CHD6: variants seen among roughly 807,000 people sequenced by gnomAD.
The protein encoded by CHD6 is ATP-dependent chromatin remodeler CHD6.
Under a neutral mutation model 276.9 loss-of-function variants are expected in CHD6, and 50 were observed. The ratio of observed to expected loss-of-function variants is 0.18; its 90% CI spans 0.14 to 0.23. CHD6 has a LOEUF of 0.23. CHD6 is among the 10% of genes least tolerant of loss of function. The probability of loss-of-function intolerance (pLI) is 1.00; values close to 1 mark genes in which losing one functional copy is unlikely to be tolerated. For synonymous variants in CHD6, 1,173 were observed against 1,229.3 expected (o/e 0.95, Z 0.96); for missense variants, 2,564 against 3,365.8 (o/e 0.76, Z 5.89).
intron 1 of CHD6, among the ~76,000 whole-genome samples, chr20:41,609,855 CTTTTTT>C (rs369159347): frequency 1.6e-5 from 2 of 128,224 alleles, no homozygotes; most frequent in African/African-American, 5.7e-5. Flanking sequence ...TTTCTTTTTT[CTTTTTT>C]TTTTTTTTTT....
At position 41,457,443 on chromosome 20, in the gene CHD6, A is replaced by G; in HGVS notation, c.2665-15T>C. 5 of 1,602,426 alleles carry G rather than the reference A, an allele frequency of 3.1e-6. No homozygotes were observed. The highest frequency in any genetic ancestry group is 4.3e-6 in the Non-Finnish European group (5 of 1,170,318). On this transcript the variant is annotated splice_polypyrimidine_tract_variant and intron_variant, in intron 17 of 36. Coordinates refer to ENST00000373233, the MANE Select transcript of CHD6 (RefSeq NM_032221.5). The stretch of plus-strand genomic sequence containing the variant: ...CGGGCCTGAGCCTGGGAAGAAGAAG[A>G]GTCATATGCATCACGTCACCGTATG...
At chr20:41,411,033 GA>G (rs2046827235) in intron 36 of CHD6, among the ~76,000 whole-genome samples, 1 of 152,164 alleles carries the variant, frequency 6.6e-6, no homozygotes, top group Non-Finnish European at 1.5e-5. Flanking sequence ...AGTGAGGGAA[GA>G]GTCCTAAGAA....
chr20:41,426,200 G>A (rs778508324), intron 27 of CHD6, 47 bp from the exon 28 acceptor site: 1 of 1,312,912 alleles, frequency 7.6e-7, no homozygotes, highest in South Asian at 1.2e-5. Flanking sequence ...CAGCTTAGAA[G>A]AAACCAGCTC....
At chr20:41,418,213 C>T (rs1257961364) in intron 31 of CHD6, among the ~76,000 whole-genome samples, 85 of 152,264 alleles carry the variant, frequency 5.6e-4, no homozygotes, top group Non-Finnish European at 1.9e-4. Context: ...TCTTACAGCC[C>T]TATGAGGGAA....
At chr20:41,406,264 A>G (rs921411286) in intron 36 of CHD6, among the ~76,000 whole-genome samples, 2 of 152,122 alleles carry the variant, frequency 1.3e-5, no homozygotes, top group Admixed American at 1.3e-4. Context: ...GAGACCATCT[A>G]TTTTTTCTCT....
Position 41,483,297 on chromosome 20 carries a change from C to T in CHD6, c.2468+12G>A. On this transcript the variant is annotated intron_variant, in intron 16 of 36. Coordinates refer to ENST00000373233, the MANE Select transcript of CHD6 (RefSeq NM_032221.5). ...CCCATTGTTGAATGCAGAGCTTTGA[C>T]ACAAGTCTCACCTTCTCTGGATGAG... The T allele has an allele frequency of 1.9e-6, 3 of 1,600,350 alleles. No individual in the cohort carries two copies. Among genetic ancestry groups the T allele is most frequent in the Non-Finnish European group, 2.6e-6 (3 of 1,173,998 alleles).
In CHD6 at chr20:41,531,331, T is replaced by A. The variant is rs560035742; in HGVS notation, c.554+1719A>T. Among the ~76,000 whole-genome samples the A allele has an allele frequency of 8.1e-4, 124 of 152,288 alleles. 1 individual carries two copies. The highest frequency in any genetic ancestry group is 2.9e-3 in the African/African-American group (119 of 41,566). On this transcript the variant is annotated intron_variant, in intron 3 of 36. Transcript: ENST00000373233. ...CTCAAACACAATCTTTATGCCTTAT[T>A]ATTCTCTGTAATAATAATAAAAAAA...
At chr20:41,451,720 C>G in intron 22 of CHD6, 106 bp downstream of exon 22, 1 of 978,350 alleles carries the variant, frequency 1.0e-6, no homozygotes. Flanking sequence ...GAAAAACACC[C>G]GAGAAAGAGA....
rs1260965926 is a variant in CHD6 at position 41,488,447 on chromosome 20, C to T, written c.1838G>A (p.Gly613Asp). 1.9e-6 allele frequency: 3 copies of T among 1,613,326 alleles called. No individual in the cohort carries two copies. Among genetic ancestry groups the T allele is most frequent in the African/African-American group, 1.3e-5 (1 of 74,872 alleles). Residue 613 changes from glycine to aspartate, a missense_variant, in exon 13 of 37, where the codon GGT becomes GAT. Gly to Asp is a moderately conservative substitution (Grantham distance 94, BLOSUM62 -1). This residue lies in a region of CHD6 where 457 missense variants were observed against 889.0 expected (regional missense o/e 0.51). Coordinates refer to ENST00000373233, the MANE Select transcript of CHD6 (RefSeq NM_032221.5). ...LKNRNCKLLEGLKLMALEHKV... is the reference protein window; with the variant it reads ...LKNRNCKLLEDLKLMALEHKV... ...TCTCACCAGGGCCATAAGCTTTAGA[C>T]CCTCCAGAAGTTTGCAGTTCCTATT...
chr20:41,449,400 A>G (rs988511827), intron 23 of CHD6, among the ~76,000 whole-genome samples: 2 of 152,222 alleles, frequency 1.3e-5, no homozygotes, highest in Non-Finnish European at 2.9e-5. Flanking sequence ...TCCCTAAGAC[A>G]GGGAGAGCTG....
chr20:41,450,862 G>T, intron 23 of CHD6, 84 bp downstream of exon 23: 1 of 1,235,912 alleles, frequency 8.1e-7, no homozygotes, highest in Non-Finnish European at 1.2e-6. Context: ...ACAAGAGCAT[G>T]AAGTGCTCTC....
At chr20:41,618,069 C>T (rs1487727478) in intron 1 of CHD6, among the ~76,000 whole-genome samples, 1 of 148,676 alleles carries the variant, frequency 6.7e-6, no homozygotes, top group African/African-American at 2.4e-5. Context: ...CCGGCCCGAG[C>T]GAAAGCGGGA....
intron 3 of CHD6, among the ~76,000 whole-genome samples, chr20:41,524,641 T>C (rs946240450): frequency 5.9e-5 from 9 of 152,172 alleles, no homozygotes; most frequent in African/African-American, 2.2e-4. Context: ...TAACCCCAAA[T>C]ACGCTCATGC....
intron 1 of CHD6, among the ~76,000 whole-genome samples, chr20:41,597,964 G>C (rs2045735475): frequency 6.6e-6 from 1 of 151,988 alleles, no homozygotes; most frequent in Non-Finnish European, 1.5e-5. Context: ...TGTTAACTGG[G>C]AATCCCGTCC....
chr20:41,613,692 A>G (rs1276036005), intron 1 of CHD6, among the ~76,000 whole-genome samples: 1 of 152,252 alleles, frequency 6.6e-6, no homozygotes, highest in Non-Finnish European at 1.5e-5. Context: ...CAGTTGTTCT[A>G]GAATGACCTA....
Position 41,548,510 on chromosome 20 carries a change from CT to C in CHD6, c.33+2794del, listed in dbSNP as rs1354152176. Among the ~76,000 whole-genome samples, 3 of 152,212 alleles carry C rather than the reference CT, an allele frequency of 2.0e-5. 1 individual carries two copies. Among genetic ancestry groups the C allele is most frequent in the Middle Eastern group, 6.3e-3 (2 of 316 alleles). ...AAATTAATTCAAGATGGATTAAAGA[CT>C]TAAATGTTAGACCTAAAACCATAAA... On this transcript the variant is annotated intron_variant, in intron 2 of 36. Transcript: ENST00000373233.
chr20:41,457,347 C>G lies in CHD6; in HGVS notation c.2746G>C (p.Glu916Gln). The change falls in exon 18 of 37, where the codon GAG becomes CAG. Residue 916 changes from glutamate (E) to glutamine (Q), a missense_variant. Glu to Gln is a conservative substitution (Grantham distance 29). Around this residue, in one of 7 missense-constraint regions of CHD6, gnomAD observed 457 missense variants for 889.0 expected, o/e 0.51. Coordinates refer to ENST00000373233, the MANE Select transcript of CHD6 (RefSeq NM_032221.5). ...RLITRNSYER[E>Q]MFDKASLKLG... ...TTTAGGCTGGCCTTGTCAAACATCT[C>G]GCGCTCGTAGGAATTTCGAGTGATG... 1 of 1,614,128 alleles carries G rather than the reference C, an allele frequency of 6.2e-7. No individual in the cohort carries two copies. The highest frequency in any genetic ancestry group is 8.5e-7 in the Non-Finnish European group (1 of 1,180,002).
At chr20:41,495,797 T>C (rs2043671698) in intron 8 of CHD6, among the ~76,000 whole-genome samples, 1 of 152,250 alleles carries the variant, frequency 6.6e-6, no homozygotes, top group Non-Finnish European at 1.5e-5. Flanking sequence ...GCAAGAAAAC[T>C]ATCATCTAAT....
intron 27 of CHD6, among the ~76,000 whole-genome samples, chr20:41,428,525 CTGAT>C (rs1217137860): frequency 3.3e-5 from 5 of 152,206 alleles, no homozygotes; most frequent in South Asian, 2.1e-4. Flanking sequence ...ACACAGCAAA[CTGAT>C]TGGTTACAAT....
Sources: allele counts gnomAD v4.1 joint callset (sites outside exome capture counted in the v4.1 genomes callset), GRCh38; gene constraint gnomAD v4.1.1; regional missense constraint gnomAD v4.1.1; transcripts MANE v1.5; gene names NCBI Gene and HGNC (gene_info 2026-07-23, HGNC 2026-07-21).